The following EFCAB6 variants were observed in gnomAD, a reference collection of about 807,000 sequenced individuals.
EFCAB6 encodes the protein EF-hand calcium-binding domain-containing protein 6.
Under a neutral mutation model 169.8 loss-of-function variants are expected in EFCAB6, and 156 were observed. That is an observed-to-expected ratio of 0.92 (90% CI 0.81 to 1.05). EFCAB6 has a LOEUF of 1.05. Among genes scored for constraint, EFCAB6 ranks in the 50% least tolerant of loss-of-function variants. EFCAB6 has a pLI of 0.00. For synonymous variants in EFCAB6, 698 were observed against 676.4 expected, an observed-to-expected ratio of 1.03 and a Z score of -0.50; for missense variants, 1,800 against 1,829.1, an observed-to-expected ratio of 0.98 and a Z score of 0.29.
intron 10 of EFCAB6, among the ~76,000 whole-genome samples, chr22:43,692,930 C>G (rs541346325): frequency 2.1e-4 from 32 of 152,202 alleles, no homozygotes; most frequent in Non-Finnish European, 4.0e-4. Flanking sequence ...AAGGCCTTGC[C>G]AAGGTACATC....
At chr22:43,788,296 C>G (rs1301532971) in intron 2 of EFCAB6, among the ~76,000 whole-genome samples, 1 of 151,860 alleles carries the variant, frequency 6.6e-6, no homozygotes, top group East Asian at 1.9e-4. Flanking sequence ...ACTAAGATAC[C>G]CCACAGAATG....
chr22:43,772,992 G>C lies in EFCAB6; in HGVS notation c.251C>G (p.Thr84Ser), dbSNP rs749148338. ...TTTTGACACAGTCAAGTTCTGACCA[G>C]TATCCAGCAGCTGAAAGGCTTTTTG... ...ELQKAFQLLD[T>S]GQNLTVSKSE... is the part of the protein sequence containing the mutation. The change falls in exon 4 of 32, where the codon ACT becomes AGT. Residue 84 changes from threonine (T) to serine (S), a missense_variant. Transcript: ENST00000262726. 1.1e-5 allele frequency: 17 copies of C among 1,614,112 alleles called. No homozygotes were observed. The Admixed American group carries it at 1.3e-4, about 13-fold the overall frequency.
intron 3 of EFCAB6, among the ~76,000 whole-genome samples, chr22:43,774,741 G>A (rs552094528): frequency 1.7e-4 from 26 of 151,772 alleles, no homozygotes; most frequent in African/African-American, 4.8e-4. Context: ...CTGAGGGAAC[G>A]CAGCTGGAAG....
At chr22:43,629,884 G>T (rs1188150498) in intron 19 of EFCAB6, among the ~76,000 whole-genome samples, 6 of 152,190 alleles carry the variant, frequency 3.9e-5, no homozygotes, top group Admixed American at 2.0e-4. Flanking sequence ...GCACATGGAT[G>T]AGACAATCCT....
intron 28 of EFCAB6, among the ~76,000 whole-genome samples, chr22:43,539,596 C>T (rs1421835063): frequency 1.3e-5 from 2 of 152,178 alleles, no homozygotes; most frequent in Non-Finnish European, 2.9e-5. Flanking sequence ...AGCCTGGGCA[C>T]CTTCCTCCGT....
chr22:43,630,144 T>C (rs552847992), intron 19 of EFCAB6, among the ~76,000 whole-genome samples: 9 of 152,040 alleles, frequency 5.9e-5, no homozygotes, highest in Non-Finnish European at 1.3e-4. Flanking sequence ...ACCAAAAAAA[T>C]TCAAAAAAAG....
At chr22:43,699,319 G>C (rs1156576238) in intron 10 of EFCAB6, among the ~76,000 whole-genome samples, 1 of 152,158 alleles carries the variant, frequency 6.6e-6, no homozygotes, top group African/African-American at 2.4e-5. Context: ...CTTGGCAATA[G>C]TCATGTTCTT....
intron 20 of EFCAB6, 85 bp from the exon 21 acceptor site, chr22:43,616,007 T>G: frequency 8.9e-7 from 1 of 1,123,850 alleles, no homozygotes; most frequent in South Asian, 1.5e-5. Context: ...TCCCCCCTGT[T>G]TGTTTCAAGG....
intron 10 of EFCAB6, among the ~76,000 whole-genome samples, chr22:43,708,106 A>G (rs970360389): frequency 1.6e-4 from 24 of 149,860 alleles, no homozygotes; most frequent in East Asian, 9.7e-4. Context: ...AAAAAAAAAA[A>G]AAAGAAAGAA....
At chr22:43,694,054 G>A (rs999817523) in intron 10 of EFCAB6, among the ~76,000 whole-genome samples, 1 of 151,980 alleles carries the variant, frequency 6.6e-6, no homozygotes, top group African/African-American at 2.4e-5. Context: ...AGAGGACAGA[G>A]AAAAGAGTGA....
In EFCAB6 at chr22:43,765,311, A is replaced by G. The variant is rs2061292510; in HGVS notation, c.434T>C (p.Ile145Thr). 6.2e-7 allele frequency: 1 copy of G among 1,611,038 alleles called. No individual in the cohort carries two copies. The highest frequency in any genetic ancestry group is 8.5e-7 in the Non-Finnish European group (1 of 1,177,696). The change falls in exon 5 of 32, where the codon ATA (isoleucine) becomes ACA (threonine). Residue 145 changes from isoleucine (I) to threonine (T), a missense_variant. Physicochemically the swap from Ile to Thr is moderately conservative, Grantham distance 89 (BLOSUM62 -1). Transcript: ENST00000262726. ...FGGIDLYING[I>T]KRGGGNEMNC... Reference sequence around the variant, plus strand: ...GAGCAAACCAAACACTTACCTCTTTATACCATTTATATATAGGTCAATTCC... The same window carrying G: ...GAGCAAACCAAACACTTACCTCTTTGTACCATTTATATATAGGTCAATTCC...
chr22:43,548,691 A>ATACATC (rs546038657), intron 27 of EFCAB6, among the ~76,000 whole-genome samples: 101 of 152,246 alleles, frequency 6.6e-4, no homozygotes, highest in Admixed American at 2.1e-3. Flanking sequence ...TAAGAAATGG[A>ATACATC]TACATCTACT....
intron 20 of EFCAB6, among the ~76,000 whole-genome samples, chr22:43,619,462 A>G (rs1305561750): frequency 1.3e-5 from 2 of 152,238 alleles, no homozygotes; most frequent in East Asian, 1.9e-4. Context: ...ATAATGCTCA[A>G]TGTAAAAGAC....
intron 8 of EFCAB6, among the ~76,000 whole-genome samples, chr22:43,722,902 A>C (rs2059591104): frequency 6.6e-6 from 1 of 152,210 alleles, no homozygotes; most frequent in Non-Finnish European, 1.5e-5. Context: ...AGTCATTTGC[A>C]GCAACATGCA....
chr22:43,598,544 T>A (rs937310645), intron 23 of EFCAB6, among the ~76,000 whole-genome samples: 2 of 152,242 alleles, frequency 1.3e-5, no homozygotes, highest in Admixed American at 6.5e-5. Flanking sequence ...TTACATACAA[T>A]TTTATAACAA....
At chr22:43,811,362 A>G (rs1470885658) in intron 1 of EFCAB6, among the ~76,000 whole-genome samples, 3 of 101,850 alleles carry the variant, frequency 2.9e-5, no homozygotes, top group African/African-American at 1.1e-4. Context: ...AAGGGAAGAA[A>G]GGGGAAGGGA....
intron 12 of EFCAB6, 74 bp from the exon 13 acceptor site, chr22:43,678,237 A>G (rs2057855623): frequency 1.4e-6 from 2 of 1,452,828 alleles, no homozygotes; most frequent in East Asian, 4.6e-5. Context: ...ATGTATGTTT[A>G]GCATCATTTA....
Position 43,727,599 on chromosome 22 carries a change from T to C in EFCAB6, c.757+4100A>G, listed in dbSNP as rs944822704. On this transcript the variant is annotated intron_variant, in intron 8 of 31. Transcript: ENST00000262726. ...GTTTATGGTGTATGTAAAAGTACAATGCAGGGCAGCAATATAACAAAGGAT... is the reference window on the plus strand; with the variant it reads ...GTTTATGGTGTATGTAAAAGTACAACGCAGGGCAGCAATATAACAAAGGAT... 5.9e-5 allele frequency among the ~76,000 whole-genome samples: 9 copies of C among 152,254 alleles called. No homozygotes were observed. The South Asian group carries it at 6.2e-4, about 11-fold the overall frequency.
intron 23 of EFCAB6, among the ~76,000 whole-genome samples, chr22:43,595,382 GA>G (rs1482931165): frequency 1.4e-4 from 22 of 151,868 alleles, no homozygotes; most frequent in Non-Finnish European, 2.8e-4. Context: ...GCTAGACTAT[GA>G]AAAAAAGAAA....
Sources: allele counts gnomAD v4.1 joint callset (sites outside exome capture counted in the v4.1 genomes callset), GRCh38; gene constraint gnomAD v4.1.1; transcripts MANE v1.5; gene names NCBI Gene and HGNC (gene_info 2026-07-23, HGNC 2026-07-21).